The following NFATC1 variants were observed in gnomAD, a reference collection of about 807,000 sequenced individuals.
The protein encoded by NFATC1 is nuclear factor of activated T-cells, cytoplasmic 1.
A neutral mutation model predicts 76.0 loss-of-function variants in NFATC1; 22 were observed. That is an observed-to-expected ratio of 0.29 (90% CI 0.21 to 0.41). The LOEUF is 0.41. Among genes scored for constraint, NFATC1 ranks in the 10% least tolerant of loss-of-function variants. NFATC1 has a pLI of 1.00. For synonymous variants in NFATC1, 704 were observed against 613.1 expected, an observed-to-expected ratio of 1.15 and a Z score of -2.19; for missense variants, 1,357 against 1,337.7, an observed-to-expected ratio of 1.01 and a Z score of -0.23.
chr18:79,408,780 T>C (rs911114844), intron 1 of NFATC1, among the ~76,000 whole-genome samples: 1 of 152,078 alleles, frequency 6.6e-6, no homozygotes, highest in African/African-American at 2.4e-5. Context: ...CATCCATGCA[T>C]CATCATCTGT....
chr18:79,401,061 C>T (rs970527019), intron 1 of NFATC1, among the ~76,000 whole-genome samples: 9 of 138,994 alleles, frequency 6.5e-5, no homozygotes, highest in South Asian at 2.5e-4. Context: ...ATTTTCTCTT[C>T]TCTGTGTCAG....
chr18:79,520,054 C>T (rs1037270973), intron 9 of NFATC1, among the ~76,000 whole-genome samples: 1 of 152,134 alleles, frequency 6.6e-6, no homozygotes, highest in Non-Finnish European at 1.5e-5. Context: ...GGAGAGGGGG[C>T]GTTTTGACCG....
intron 9 of NFATC1, among the ~76,000 whole-genome samples, chr18:79,509,299 G>T (rs1373996372): frequency 2.6e-5 from 4 of 152,242 alleles, no homozygotes; most frequent in Non-Finnish European, 5.9e-5. Flanking sequence ...GCGCCTGCCG[G>T]ACGCCAGCTC....
chr18:79,415,591 A>C (rs562916574), intron 2 of NFATC1, among the ~76,000 whole-genome samples: 84 of 152,152 alleles, frequency 5.5e-4, no homozygotes, highest in African/African-American at 1.9e-3. Flanking sequence ...CCTTGAATTC[A>C]ATTTCTACAC....
chr18:79,513,441 G>C (rs988801732), intron 9 of NFATC1, among the ~76,000 whole-genome samples: 1 of 152,152 alleles, frequency 6.6e-6, no homozygotes, highest in East Asian at 1.9e-4. Flanking sequence ...GTCATCCCCC[G>C]AGGCTTCTGA....
chr18:79,516,331 TAAGTG>T, intron 9 of NFATC1, among the ~76,000 whole-genome samples: 1 of 152,220 alleles, frequency 6.6e-6, no homozygotes, highest in African/African-American at 2.4e-5. Flanking sequence ...AAGATAAAAA[TAAGTG>T]AAGGCTGAAA....
chr18:79,477,420 C>T (rs2089117411), intron 8 of NFATC1, among the ~76,000 whole-genome samples: 1 of 152,248 alleles, frequency 6.6e-6, no homozygotes, highest in Non-Finnish European at 1.5e-5. Context: ...TGCACAGCAG[C>T]TGCAGCCTGC....
chr18:79,410,282 A>G lies in NFATC1; in HGVS notation c.128-121A>G. 1 of 1,476,722 alleles carries G rather than the reference A, an allele frequency of 6.8e-7. No homozygotes were observed. The highest frequency in any genetic ancestry group is 9.0e-7 in the Non-Finnish European group (1 of 1,105,346). 91.5% of individuals were successfully genotyped at this position (1,476,722 alleles called of 1,614,324 possible). On this transcript the variant is annotated intron_variant, in intron 1 of 9. Transcript: ENST00000427363. The surrounding 1 kb of genome is among the most constrained non-coding windows in gnomAD (Gnocchi z 6.7). Reference sequence around the variant, plus strand: ...AGCGTGGTCTCAGGGACGTTTGCTGAGGCCCGCTCCTTGGGGTCCGTTGGT... The same window carrying G: ...AGCGTGGTCTCAGGGACGTTTGCTGGGGCCCGCTCCTTGGGGTCCGTTGGT...
intron 8 of NFATC1, among the ~76,000 whole-genome samples, chr18:79,473,337 G>A (rs1321954393): frequency 1.3e-5 from 2 of 152,272 alleles, no homozygotes; most frequent in African/African-American, 2.4e-5. Flanking sequence ...CGGTTGCCTC[G>A]CTCTTCAGAC....
At chr18:79,474,055 ACG>A in intron 8 of NFATC1, among the ~76,000 whole-genome samples, 1 of 133,824 alleles carries the variant, frequency 7.5e-6, no homozygotes, top group African/African-American at 2.9e-5. Flanking sequence ...CTCGCTGTCA[ACG>A]TAAACCTGAG....
intron 1 of NFATC1, among the ~76,000 whole-genome samples, chr18:79,403,852 G>A (rs892865727): frequency 2.6e-5 from 4 of 152,252 alleles, no homozygotes; most frequent in African/African-American, 4.8e-5. Flanking sequence ...GTCGGGGGCT[G>A]TGGCAGGAAA....
chr18:79,410,137 G>C lies in NFATC1; in HGVS notation c.128-266G>C, dbSNP rs369429652. 1.3e-6 allele frequency: 1 copy of C among 755,016 alleles called. No homozygotes were observed. Among genetic ancestry groups the C allele is most frequent in the Non-Finnish European group, 2.4e-6 (1 of 413,362 alleles). The allele number at this position is 755,016 out of a possible 1,614,324, so 46.8% of individuals were successfully genotyped here. A position where few individuals can be genotyped will look rare whatever the true frequency, so the allele number is the denominator to read the frequency against. ...CCGGCCGCCTCTCCCTGGGAAGGACGTTCGGGGGCTTGTGCTGCTGTTAGG... is the reference window on the plus strand; with the variant it reads ...CCGGCCGCCTCTCCCTGGGAAGGACCTTCGGGGGCTTGTGCTGCTGTTAGG... On this transcript the variant is annotated intron_variant, in intron 1 of 9. Coordinates refer to ENST00000427363, the MANE Select transcript of NFATC1 (RefSeq NM_001278669.2). The surrounding 1 kb of genome is among the most constrained non-coding windows in gnomAD (Gnocchi z 6.7).
chr18:79,463,821 C>T (rs929312459), intron 7 of NFATC1, among the ~76,000 whole-genome samples: 3 of 152,062 alleles, frequency 2.0e-5, no homozygotes, highest in Non-Finnish European at 2.9e-5. Flanking sequence ...CGCACATGCA[C>T]GCGGGTTGCG....
At chr18:79,469,443 C>G in intron 8 of NFATC1, 1 of 985,582 alleles carries the variant, frequency 1.0e-6, no homozygotes, top group Non-Finnish European at 1.2e-6. Flanking sequence ...GGTGGCGGCC[C>G]CCAGGACCGT....
intron 9 of NFATC1, among the ~76,000 whole-genome samples, chr18:79,506,962 G>A (rs898906762): frequency 1.2e-4 from 18 of 152,130 alleles, no homozygotes; most frequent in African/African-American, 3.9e-4. Flanking sequence ...CCAAAGATCC[G>A]CCCACCAGGC....
chr18:79,494,889 C>A (rs111387190), intron 9 of NFATC1, among the ~76,000 whole-genome samples: 14 of 143,126 alleles, frequency 9.8e-5, no homozygotes, highest in Non-Finnish European at 1.4e-4. Context: ...ACACGCCCCC[C>A]ATGAACCTGG....
At chr18:79,445,131 G>A (rs974949807) in intron 3 of NFATC1, among the ~76,000 whole-genome samples, 3 of 152,326 alleles carry the variant, frequency 2.0e-5, no homozygotes, top group South Asian at 2.1e-4. Flanking sequence ...CTTTTGTTTC[G>A]ATTTTTCCTG....
chr18:79,443,745 T>A lies in NFATC1; in HGVS notation c.1387-5037T>A, dbSNP rs143600446. Among the ~76,000 whole-genome samples, 313 of 152,254 alleles carry A rather than the reference T, an allele frequency of 2.1e-3. 1 individual carries two copies. Among genetic ancestry groups the A allele is most frequent in the Admixed American group, 2.7e-3 (42 of 15,306 alleles). On this transcript the variant is annotated intron_variant, in intron 3 of 9. Coordinates refer to ENST00000427363, the MANE Select transcript of NFATC1 (RefSeq NM_001278669.2). The stretch of plus-strand genomic sequence containing the variant: ...GCAGGTACGATCGATCCTGGTCCTG[T>A]CCCCCTAGCCCTGGGCGGGTGTCCC...
intron 3 of NFATC1, among the ~76,000 whole-genome samples, chr18:79,439,509 C>T (rs2086897285): frequency 6.6e-6 from 1 of 152,242 alleles, no homozygotes; most frequent in South Asian, 2.1e-4. Context: ...TGCCTTGGAA[C>T]CTAGACAACA....
Sources: gnomAD v4.1 joint callset for allele counts (sites outside exome capture counted in the v4.1 genomes callset) on GRCh38, gnomAD v4.1.1 for gene constraint, Gnocchi (gnomAD v3.1) non-coding constraint, MANE v1.5 for transcripts, NCBI Gene and HGNC (gene_info 2026-07-23, HGNC 2026-07-21) for gene names.